Variants in JPH1 observed in about 807,000 individuals in gnomAD.
JPH1 encodes the protein junctophilin-1.
Under a neutral mutation model 53.6 loss-of-function variants are expected in JPH1, and 12 were observed. The observed-to-expected ratio is 0.22, with a 90% CI of 0.14 to 0.36. The LOEUF is 0.36. Among genes scored for constraint, JPH1 ranks in the 10% least tolerant of loss-of-function variants. The pLI is 1.00. For synonymous variants in JPH1, 375 were observed against 363.8 expected (o/e 1.03, Z -0.35); for missense variants, 808 against 905.5 (o/e 0.89, Z 1.38).
intron 2 of JPH1, among the ~76,000 whole-genome samples, chr8:74,304,881 A>G (rs57004418): frequency 0.51 from 77,265 of 152,070 alleles, 20,539 homozygotes; most frequent in East Asian, 0.62. Context: ...GTCCTAAGAA[A>G]ATTGACTTCA....
chr8:74,282,716 G>A (rs575429840), intron 2 of JPH1, among the ~76,000 whole-genome samples: 39 of 152,246 alleles, frequency 2.6e-4, no homozygotes, highest in African/African-American at 6.7e-4. Context: ...TTACAGCTAG[G>A]TAGGAGAAAT....
At chr8:74,260,267 G>A (rs1284596366) in intron 2 of JPH1, among the ~76,000 whole-genome samples, 1 of 152,200 alleles carries the variant, frequency 6.6e-6, no homozygotes, top group Non-Finnish European at 1.5e-5. Flanking sequence ...CGCCTCCCTG[G>A]CCTGTCCTCA....
At chr8:74,317,457 A>G (rs1402326755) in intron 1 of JPH1, among the ~76,000 whole-genome samples, 1 of 152,194 alleles carries the variant, frequency 6.6e-6, no homozygotes, top group Non-Finnish European at 1.5e-5. Context: ...GAAGCTTCCT[A>G]TTGAATACTG....
intron 2 of JPH1, among the ~76,000 whole-genome samples, chr8:74,289,535 C>A (rs1807261916): frequency 6.6e-6 from 1 of 152,144 alleles, no homozygotes; most frequent in Non-Finnish European, 1.5e-5. Context: ...GTATTGGTGC[C>A]CTTTTCTCAT....
intron 1 of JPH1, among the ~76,000 whole-genome samples, chr8:74,318,731 G>A (rs1296603115): frequency 6.6e-6 from 1 of 152,180 alleles, no homozygotes; most frequent in Admixed American, 6.5e-5. Flanking sequence ...GACATGTGGC[G>A]ATGGGGAGAG....
chr8:74,299,109 C>A (rs1209935231), intron 2 of JPH1, among the ~76,000 whole-genome samples: 1 of 151,956 alleles, frequency 6.6e-6, no homozygotes, highest in East Asian at 1.9e-4. Context: ...CTTCTCCCAC[C>A]TGGTAAAATT....
At chr8:74,259,323 G>A (rs1241886243) in intron 3 of JPH1, 62 bp downstream of exon 3, 3 of 1,240,972 alleles carry the variant, frequency 2.4e-6, no homozygotes, top group Non-Finnish European at 3.5e-6. Flanking sequence ...GAAAGGAAAA[G>A]GAAATAAAAG....
intron 2 of JPH1, among the ~76,000 whole-genome samples, chr8:74,299,287 C>T (rs1466110276): frequency 6.6e-6 from 1 of 152,172 alleles, no homozygotes; most frequent in Non-Finnish European, 1.5e-5. Context: ...CCCTTTTTCT[C>T]ATTATTCAGT....
Position 74,321,202 on chromosome 8 carries a change from C to A in JPH1, c.86G>T (p.Cys29Phe). ...CTCGCCCTGGCCCTTGGGCCCCGTG[C>A]AGATGCCATGCCCGTGCGCCTTGCC... ...EEGKAHGHGI[C>F]TGPKGQGEYS... The change falls in exon 1 of 6, where the codon TGC becomes TTC. Residue 29 changes from cysteine to phenylalanine, a missense_variant. Transcript: ENST00000342232. The surrounding 1 kb of genome is among the most constrained non-coding windows in gnomAD (Gnocchi z 4.3). 1 of 1,612,850 alleles carries A rather than the reference C, an allele frequency of 6.2e-7. No individual in the cohort carries two copies. Among genetic ancestry groups the A allele is most frequent in the Non-Finnish European group, 8.5e-7 (1 of 1,179,696 alleles).
At chr8:74,305,673 C>T (rs1055008688) in intron 2 of JPH1, among the ~76,000 whole-genome samples, 7 of 152,322 alleles carry the variant, frequency 4.6e-5, no homozygotes, top group Middle Eastern at 6.8e-3. Flanking sequence ...TTCCAGTCTT[C>T]AGTGCCAGCT....
rs184056008 is a variant in JPH1 at position 74,237,585 on chromosome 8, G to A, written c.1906-282C>T. Among the ~76,000 whole-genome samples, 701 of 152,314 alleles carry A rather than the reference G, an allele frequency of 4.6e-3. 3 individuals are homozygous for A. Among genetic ancestry groups the A allele is most frequent in the African/African-American group, 0.016 (671 of 41,568 alleles). On this transcript the variant is annotated intron_variant, in intron 4 of 5. Transcript: ENST00000342232. ...TCACCTCAAAACAATGGACAACAGCGTGTGCTGAGACACAGCTCACCCTAA... is the reference window on the plus strand; with the variant it reads ...TCACCTCAAAACAATGGACAACAGCATGTGCTGAGACACAGCTCACCCTAA...
intron 2 of JPH1, among the ~76,000 whole-genome samples, chr8:74,277,055 C>A (rs1806869158): frequency 6.6e-6 from 1 of 152,190 alleles, no homozygotes; most frequent in African/African-American, 2.4e-5. Flanking sequence ...CTCCCTTAAG[C>A]CCTTGTAAGA....
chr8:74,310,772 C>A (rs1807971794), intron 2 of JPH1, among the ~76,000 whole-genome samples: 1 of 152,200 alleles, frequency 6.6e-6, no homozygotes, highest in South Asian at 2.1e-4. Context: ...TCCCTTAGAG[C>A]CAACTTGAAC....
intron 2 of JPH1, among the ~76,000 whole-genome samples, chr8:74,304,475 C>T (rs1240959569): frequency 6.6e-6 from 1 of 152,128 alleles, no homozygotes; most frequent in Non-Finnish European, 1.5e-5. Flanking sequence ...GCAGTAAGCC[C>T]CATCATCTGA....
intron 2 of JPH1, among the ~76,000 whole-genome samples, chr8:74,300,788 A>T (rs1807659049): frequency 1.3e-5 from 2 of 152,218 alleles, no homozygotes; most frequent in Admixed American, 1.3e-4. Flanking sequence ...TTCACAAAAG[A>T]GTAGAGATCC....
rs1808314294 is a variant in JPH1 at position 74,321,198 on chromosome 8, C to T, written c.90G>A (p.Thr30=). ...AGTACTCGCCCTGGCCCTTGGGCCC[C>T]GTGCAGATGCCATGCCCGTGCGCCT... ...EGKAHGHGIC[T]GPKGQGEYSG... The change falls in exon 1 of 6, where the codon ACG becomes ACA. Residue 30 remains threonine (T), a synonymous_variant. Coordinates refer to ENST00000342232, the MANE Select transcript of JPH1 (RefSeq NM_020647.4). The surrounding 1 kb of genome is among the most constrained non-coding windows in gnomAD (Gnocchi z 4.3). 1 of 1,612,942 alleles carries T rather than the reference C, an allele frequency of 6.2e-7. No homozygotes were observed. The highest frequency in any genetic ancestry group is 8.5e-7 in the Non-Finnish European group (1 of 1,179,706).
chr8:74,255,762 A>T (rs1586738799), intron 3 of JPH1, among the ~76,000 whole-genome samples: 2 of 152,362 alleles, frequency 1.3e-5, no homozygotes, highest in South Asian at 2.1e-4. Context: ...AAAAGAAGAT[A>T]TTTATGCAGC....
intron 2 of JPH1, among the ~76,000 whole-genome samples, chr8:74,266,411 G>A (rs1438168394): frequency 6.6e-6 from 1 of 152,056 alleles, no homozygotes; most frequent in Non-Finnish European, 1.5e-5. Context: ...GCCCCAACAT[G>A]GATGAATCTT....
At chr8:74,245,634 C>T (rs1563393561) in intron 3 of JPH1, among the ~76,000 whole-genome samples, 1 of 152,152 alleles carries the variant, frequency 6.6e-6, no homozygotes, top group Non-Finnish European at 1.5e-5. Context: ...TGCACTAAAA[C>T]TTCCTAGTTT....
Sources: allele counts gnomAD v4.1 joint callset (sites outside exome capture counted in the v4.1 genomes callset), GRCh38; gene constraint gnomAD v4.1.1; non-coding constraint Gnocchi (gnomAD v3.1); transcripts MANE v1.5; gene names NCBI Gene and HGNC (gene_info 2026-07-23, HGNC 2026-07-21).